The following CCDC81 variants were observed in gnomAD, a reference collection of about 807,000 sequenced individuals.
CCDC81 encodes the protein coiled-coil domain containing 81.
Under a neutral mutation model 83.7 loss-of-function variants are expected in CCDC81, and 79 were observed. The observed-to-expected ratio is 0.94, with a 90% CI of 0.79 to 1.14. CCDC81 has a LOEUF of 1.14. Ranked by LOEUF, CCDC81 falls within the 50% of genes most tolerant of loss-of-function variation. CCDC81 has a pLI of 0.00. For missense variants in CCDC81, 791 were observed against 778.1 expected (o/e 1.02, Z -0.20); for synonymous variants, 252 against 278.1 (o/e 0.91, Z 0.93).
chr11:86,415,989 A>G (rs1311222642), intron 13 of CCDC81, among the ~76,000 whole-genome samples: 2 of 152,044 alleles, frequency 1.3e-5, no homozygotes, highest in Non-Finnish European at 2.9e-5. Context: ...AGTCTTTTTA[A>G]TTTTGGCTGT....
In CCDC81 at chr11:86,389,746, C is replaced by T. The variant is rs926087577; in HGVS notation, c.298+2074C>T. Among the ~76,000 whole-genome samples the T allele has an allele frequency of 3.9e-5, 6 of 152,276 alleles. No individual in the cohort carries two copies. In the South Asian group the frequency reaches 6.2e-4, roughly 16 times the overall value. On this transcript the variant is annotated intron_variant, in intron 3 of 14. Coordinates refer to ENST00000445632, the MANE Select transcript of CCDC81 (RefSeq NM_001156474.2). The stretch of plus-strand genomic sequence containing the variant: ...CAGACCATATCAGTAACTAATCAAA[C>T]ATTTTATAGTGGTTTTTAAATATTA...
intron 3 of CCDC81, among the ~76,000 whole-genome samples, chr11:86,391,635 C>A (rs1948330540): frequency 6.6e-6 from 1 of 151,914 alleles, no homozygotes; most frequent in Non-Finnish European, 1.5e-5. Flanking sequence ...TGTATAAGAC[C>A]CTATTTCATT....
At chr11:86,402,595 T>A (rs913000534) in intron 7 of CCDC81, among the ~76,000 whole-genome samples, 1 of 152,168 alleles carries the variant, frequency 6.6e-6, no homozygotes, top group African/African-American at 2.4e-5. Flanking sequence ...TGCATACAAC[T>A]GGATATTCCA....
At chr11:86,403,317 T>C (rs978799240) in intron 7 of CCDC81, among the ~76,000 whole-genome samples, 3 of 152,154 alleles carry the variant, frequency 2.0e-5, no homozygotes, top group African/African-American at 7.2e-5. Flanking sequence ...AGTTTTCTGA[T>C]GTGTATGTTT....
chr11:86,412,606 T>C (rs1442754169), intron 11 of CCDC81, 47 bp downstream of exon 11: 3 of 1,498,988 alleles, frequency 2.0e-6, no homozygotes, highest in Non-Finnish European at 2.7e-6. Flanking sequence ...GGAATTTTCA[T>C]GTGAAGTTAC....
Position 86,377,608 on chromosome 11 carries a change from G to A in CCDC81, c.79+2366G>A, listed in dbSNP as rs1948115299. On this transcript the variant is annotated intron_variant, in intron 1 of 14. Transcript: ENST00000445632. ...TTTTTTGATGAGATATATATAAAGG[G>A]CTTTGGCTCATTTTTAAATTGAGTT... Among the ~76,000 whole-genome samples the A allele has an allele frequency of 1.3e-5, 2 of 152,066 alleles. 1 individual carries two copies.
At chr11:86,422,396 C>T (rs1042993772) in intron 14 of CCDC81, among the ~76,000 whole-genome samples, 178 bp from the exon 15 acceptor site, 3 of 152,038 alleles carry the variant, frequency 2.0e-5, no homozygotes, top group Admixed American at 1.3e-4. Context: ...TAGTAGAGAA[C>T]GACAAGCCAG....
intron 11 of CCDC81, among the ~76,000 whole-genome samples, chr11:86,413,591 A>G (rs1948675096): frequency 6.6e-6 from 1 of 152,214 alleles, no homozygotes. Flanking sequence ...AGTTATCATT[A>G]TGGTAGTGAT....
rs117575679 is a variant in CCDC81 at position 86,422,765 on chromosome 11, A to G, written c.*50A>G. 31,176 of 1,575,810 alleles carry G rather than the reference A, an allele frequency of 0.02. 390 individuals carry two copies. The highest frequency in any genetic ancestry group is 0.023 in the South Asian group (2,068 of 88,334). ...CCCGGGGAAAGTTTTTATCTTTTAC[A>G]TGTTTGGGGGTGATTGTGAAACTGC... On this transcript the variant is annotated 3_prime_UTR_variant, in exon 15 of 15. Transcript: ENST00000445632.
chr11:86,394,405 T>G (rs1288175034), intron 4 of CCDC81, among the ~76,000 whole-genome samples: 1 of 152,200 alleles, frequency 6.6e-6, no homozygotes, highest in Admixed American at 6.5e-5. Flanking sequence ...CATCAGCATG[T>G]TAAAGGAGCT....
chr11:86,383,212 T>C (rs996008520), intron 1 of CCDC81, among the ~76,000 whole-genome samples: 1 of 152,218 alleles, frequency 6.6e-6, no homozygotes, highest in Non-Finnish European at 1.5e-5. Context: ...AGGAAGGCTG[T>C]GGGTCTTCCA....
At position 86,395,396 on chromosome 11, in the gene CCDC81, T is replaced by C. The variant is rs762221484; in HGVS notation, c.618T>C (p.Ser206=). Reference sequence around the variant, plus strand: ...AGGCCTTGAGGAAGTGGCCCAGCAGTGTGCTTGCGTTTCCAAGGTGAGTGC... The same window carrying C: ...AGGCCTTGAGGAAGTGGCCCAGCAGCGTGCTTGCGTTTCCAAGGTGAGTGC... The part of the protein sequence containing the change: ...SREALRKWPS[S]VLAFPRIELK... The change falls in exon 5 of 15, where the codon AGT becomes AGC. Residue 206 remains serine, a synonymous_variant. Transcript: ENST00000445632. 3 of 1,614,058 alleles carry C rather than the reference T, an allele frequency of 1.9e-6. No homozygotes were observed. Among genetic ancestry groups the C allele is most frequent in the Non-Finnish European group, 2.5e-6 (3 of 1,179,958 alleles).
At position 86,395,396 on chromosome 11, in the gene CCDC81, T is replaced by G. The variant is rs762221484; in HGVS notation, c.618T>G (p.Ser206Arg). ...AGGCCTTGAGGAAGTGGCCCAGCAG[T>G]GTGCTTGCGTTTCCAAGGTGAGTGC... ...SREALRKWPS[S>R]VLAFPRIELK... Residue 206 changes from serine to arginine, a missense_variant, in exon 5 of 15, where the codon AGT becomes AGG. Physicochemically the swap from Ser to Arg is moderately radical, Grantham distance 110. Coordinates refer to ENST00000445632, the MANE Select transcript of CCDC81 (RefSeq NM_001156474.2). The G allele has an allele frequency of 6.2e-7, 1 of 1,614,058 alleles. No homozygotes were observed. The highest frequency in any genetic ancestry group is 8.5e-7 in the Non-Finnish European group (1 of 1,179,958).
chr11:86,381,716 T>A lies in CCDC81; in HGVS notation c.80-4335T>A, dbSNP rs76569176. On this transcript the variant is annotated intron_variant, in intron 1 of 14. Transcript: ENST00000445632. ...ACCCAAGAAGAGTTGTTGATTTTTC[T>A]GTCTGGTCAACTTTTTAGTTGTTAG... is the stretch of plus-strand genomic sequence containing the variant. Among the ~76,000 whole-genome samples the A allele has an allele frequency of 7.0e-3, 1,069 of 152,334 alleles. 10 individuals are homozygous for A. Among genetic ancestry groups the A allele is most frequent in the African/African-American group, 0.023 (969 of 41,574 alleles).
chr11:86,377,564 C>A (rs1048992361), intron 1 of CCDC81, among the ~76,000 whole-genome samples: 17 of 151,984 alleles, frequency 1.1e-4, no homozygotes, highest in African/African-American at 3.9e-4. Flanking sequence ...ATGGGGAGCA[C>A]CTTTTAATAT....
At chr11:86,413,868 A>G (rs1948679600) in intron 11 of CCDC81, among the ~76,000 whole-genome samples, 1 of 152,224 alleles carries the variant, frequency 6.6e-6, no homozygotes, top group Admixed American at 6.5e-5. Context: ...CTGCTTACAT[A>G]CATATGCCTA....
At position 86,392,745 on chromosome 11, in the gene CCDC81, A is replaced by G. The variant is rs1319474820; in HGVS notation, c.503A>G (p.Asp168Gly). 19 of 1,551,504 alleles carry G rather than the reference A, an allele frequency of 1.2e-5. No individual in the cohort carries two copies. The highest frequency in any genetic ancestry group is 1.4e-5 in the Non-Finnish European group (16 of 1,146,958). The change falls in exon 4 of 15, where the codon GAC becomes GGC. Residue 168 changes from aspartate to glycine, a missense_variant. Physicochemically the swap from Asp to Gly is moderately conservative, Grantham distance 94 (BLOSUM62 -1). Coordinates refer to ENST00000445632, the MANE Select transcript of CCDC81 (RefSeq NM_001156474.2). ...DSKVKMRFYK[D>G]FLCTMDGSGA... ...AAAGTGAAGATGAGGTTTTATAAAG[A>G]CTTCCTTTGTACCATGGATGGAAGT...
intron 1 of CCDC81, among the ~76,000 whole-genome samples, chr11:86,383,522 G>C (rs1948200374): frequency 6.6e-6 from 1 of 152,178 alleles, no homozygotes; most frequent in South Asian, 2.1e-4. Flanking sequence ...GGAATGTTAA[G>C]AATTTGAAGC....
At chr11:86,422,240 C>A (rs1415547724) in intron 14 of CCDC81, among the ~76,000 whole-genome samples, 1 of 152,128 alleles carries the variant, frequency 6.6e-6, no homozygotes, top group Non-Finnish European at 1.5e-5. Flanking sequence ...GTGTAATCCA[C>A]GTGGGAAAGC....
Sources: allele counts gnomAD v4.1 joint callset (sites outside exome capture counted in the v4.1 genomes callset), GRCh38; gene constraint gnomAD v4.1.1; transcripts MANE v1.5; gene names NCBI Gene and HGNC (gene_info 2026-07-23, HGNC 2026-07-21).